Variants in CDH22 observed in about 807,000 individuals in gnomAD.
CDH22 encodes the protein cadherin-22.
Under a neutral mutation model 58.4 loss-of-function variants are expected in CDH22, and 30 were observed. That is an observed-to-expected ratio of 0.51 (90% CI 0.38 to 0.70). The LOEUF is 0.70. Among genes scored for constraint, CDH22 ranks in the 30% least tolerant of loss-of-function variants. The pLI, the probability that CDH22 is intolerant of heterozygous loss-of-function variation, is 0.00. For synonymous variants in CDH22, 513 were observed against 558.2 expected (o/e 0.92, Z 1.14); for missense variants, 1,014 against 1,233.9 (o/e 0.82, Z 2.67).
At chr20:46,221,277 T>C (rs1406498388) in intron 4 of CDH22, among the ~76,000 whole-genome samples, 1 of 103,514 alleles carries the variant, frequency 9.7e-6, no homozygotes, top group Non-Finnish European at 1.8e-5. Context: ...GGTTTTTTTT[T>C]TTCTTTTTTT....
At chr20:46,280,515 CA>C (rs1052319748) in intron 1 of CDH22, among the ~76,000 whole-genome samples, 19 of 152,306 alleles carry the variant, frequency 1.2e-4, no homozygotes, top group African/African-American at 3.8e-4. Flanking sequence ...AGCACCTTCT[CA>C]GGGGGGCTGG....
rs1389747569 is a variant in CDH22 at position 46,308,010 on chromosome 20, G to A, written c.-400+245C>T. On this transcript the variant is annotated intron_variant, in intron 1 of 11. Transcript: ENST00000537909. This position sits in a 1 kb window ranked among gnomAD's most constrained non-coding sequence, Gnocchi z 4.3. ...GGGTGGGAGCTGCGGGCTTCGGGCC[G>A]AGAGGCGGCTCGGCTCCGCGCCGGG... 6.6e-6 allele frequency among the ~76,000 whole-genome samples: 1 copy of A among 151,744 alleles called. No individual in the cohort carries two copies. Among genetic ancestry groups the A allele is most frequent in the African/African-American group, 2.4e-5 (1 of 41,372 alleles).
chr20:46,185,596 G>A (rs1799063792), intron 10 of CDH22, among the ~76,000 whole-genome samples: 1 of 152,092 alleles, frequency 6.6e-6, no homozygotes, highest in Admixed American at 6.5e-5. Flanking sequence ...GGCCTGGCGT[G>A]GTGTCTCATG....
intron 1 of CDH22, among the ~76,000 whole-genome samples, chr20:46,287,463 G>A (rs2086581364): frequency 6.6e-6 from 1 of 152,082 alleles, no homozygotes; most frequent in South Asian, 2.1e-4. Context: ...AAAGTGATTT[G>A]TTCTCAGACT....
In CDH22 at chr20:46,177,926, G is replaced by A. The variant is rs1182380798; in HGVS notation, c.1915+20C>T. On this transcript the variant is annotated intron_variant, in intron 11 of 11. Coordinates refer to ENST00000537909, the MANE Select transcript of CDH22 (RefSeq NM_021248.3). ...GATGGGGCCAATCAGGCAGGGCTGG[G>A]TGGCTCTCGATGGACTCACCAACCA... is the stretch of plus-strand genomic sequence containing the variant. 6.2e-7 allele frequency: 1 copy of A among 1,611,558 alleles called. No homozygotes were observed. Among genetic ancestry groups the A allele is most frequent in the Non-Finnish European group, 8.5e-7 (1 of 1,178,454 alleles).
chr20:46,197,401 G>T (rs2085913980), intron 8 of CDH22, among the ~76,000 whole-genome samples: 1 of 152,044 alleles, frequency 6.6e-6, no homozygotes, highest in African/African-American at 2.4e-5. Flanking sequence ...AGCCTTACAG[G>T]CTTCATATGC....
At chr20:46,270,143 G>A (rs1055439629) in intron 1 of CDH22, among the ~76,000 whole-genome samples, 1 of 152,152 alleles carries the variant, frequency 6.6e-6, no homozygotes, top group Non-Finnish European at 1.5e-5. Flanking sequence ...AGAGAGCCTA[G>A]GGGAAGAAAG....
intron 1 of CDH22, among the ~76,000 whole-genome samples, chr20:46,278,371 T>C (rs921212121): frequency 6.6e-6 from 1 of 152,146 alleles, no homozygotes; most frequent in African/African-American, 2.4e-5. Context: ...CAGGCCTCAG[T>C]TTCTCCTTAA....
chr20:46,299,849 G>A (rs2086643268), intron 1 of CDH22, among the ~76,000 whole-genome samples: 1 of 152,184 alleles, frequency 6.6e-6, no homozygotes, highest in East Asian at 1.9e-4. Context: ...CTGGCTCCTA[G>A]GCAGTTCTCT....
chr20:46,284,627 G>T lies in CDH22; in HGVS notation c.-400+23628C>A, dbSNP rs144389004. Reference sequence around the variant, plus strand: ...TTTTCAACTGTCACCTGTTCTGATTGATCAGTGAGTATGCTGGTCCAGTGG... The same window carrying T: ...TTTTCAACTGTCACCTGTTCTGATTTATCAGTGAGTATGCTGGTCCAGTGG... On this transcript the variant is annotated intron_variant, in intron 1 of 11. Transcript: ENST00000537909. 1.5e-3 allele frequency among the ~76,000 whole-genome samples: 236 copies of T among 152,332 alleles called. 1 individual carries two copies. Among genetic ancestry groups the T allele is most frequent in the African/African-American group, 5.1e-3 (211 of 41,572 alleles).
chr20:46,225,536 G>A (rs541556907), intron 4 of CDH22, among the ~76,000 whole-genome samples: 26 of 152,284 alleles, frequency 1.7e-4, no homozygotes, highest in African/African-American at 5.3e-4. Context: ...GTACAGAATA[G>A]CTCTGGAAGA....
intron 1 of CDH22, among the ~76,000 whole-genome samples, chr20:46,261,683 A>G (rs2086433927): frequency 6.6e-6 from 1 of 152,144 alleles, no homozygotes; most frequent in South Asian, 2.1e-4. Context: ...TCCCAGCGGC[A>G]CTGTGCCTGC....
At chr20:46,274,790 C>T (rs1600723903) in intron 1 of CDH22, among the ~76,000 whole-genome samples, 1 of 150,182 alleles carries the variant, frequency 6.7e-6, no homozygotes, top group African/African-American at 2.4e-5. Flanking sequence ...CATGGCTATA[C>T]CTCAAAAACA....
intron 4 of CDH22, among the ~76,000 whole-genome samples, chr20:46,219,404 G>A (rs56314225): frequency 0.021 from 3,183 of 152,196 alleles, 102 homozygotes; most frequent in African/African-American, 0.072. Flanking sequence ...CTGTAAAATG[G>A]GACAACCACC....
Position 46,308,450 on chromosome 20 carries a change from A to C in CDH22, c.-595T>G, listed in dbSNP as rs2059033282. Reference sequence around the variant, plus strand: ...GTGAGCGAGAGAGCGAGAGAGCGAGAGAGCGAGGGAGTGAGCGAGCGAGCG... The same window carrying C: ...GTGAGCGAGAGAGCGAGAGAGCGAGCGAGCGAGGGAGTGAGCGAGCGAGCG... On this transcript the variant is annotated 5_prime_UTR_variant, in exon 1 of 12. Coordinates refer to ENST00000537909, the MANE Select transcript of CDH22 (RefSeq NM_021248.3). The surrounding 1 kb of genome is among the most constrained non-coding windows in gnomAD (Gnocchi z 4.3). The C allele has an allele frequency of 4.6e-6, 1 of 216,512 alleles. No homozygotes were observed. The highest frequency in any genetic ancestry group is 9.3e-6 in the Non-Finnish European group (1 of 107,928). The allele number at this position is 216,512 out of a possible 1,614,324, so 13.4% of individuals were successfully genotyped here.
chr20:46,281,151 G>T (rs896081655), intron 1 of CDH22, among the ~76,000 whole-genome samples: 1 of 152,222 alleles, frequency 6.6e-6, no homozygotes, highest in Non-Finnish European at 1.5e-5. Flanking sequence ...TTGATCAAGG[G>T]AGTGACATGT....
At chr20:46,249,091 G>A (rs2086351575) in intron 2 of CDH22, among the ~76,000 whole-genome samples, 1 of 152,198 alleles carries the variant, frequency 6.6e-6, no homozygotes, top group Admixed American at 6.5e-5. Context: ...TTAGGAAGCT[G>A]GCTCTCTGAG....
At chr20:46,252,396 G>A (rs79903224) in intron 1 of CDH22, among the ~76,000 whole-genome samples, 13 of 152,262 alleles carry the variant, frequency 8.5e-5, no homozygotes, top group East Asian at 3.9e-4. Context: ...CCCAGAGTCC[G>A]AGAGACATCT....
chr20:46,243,590 C>A (rs989613101), intron 2 of CDH22, among the ~76,000 whole-genome samples: 5 of 152,146 alleles, frequency 3.3e-5, no homozygotes, highest in African/African-American at 1.2e-4. Context: ...AGGACATCGG[C>A]CCTGAATCAT....
Sources: allele counts gnomAD v4.1 joint callset (sites outside exome capture counted in the v4.1 genomes callset), GRCh38; gene constraint gnomAD v4.1.1; non-coding constraint Gnocchi (gnomAD v3.1); transcripts MANE v1.5; gene names NCBI Gene and HGNC (gene_info 2026-07-23, HGNC 2026-07-21).